Variants in TTC7A observed in about 807,000 individuals in gnomAD.
The protein encoded by TTC7A is tetratricopeptide repeat domain 7A.
Under a neutral mutation model 103.7 loss-of-function variants are expected in TTC7A, and 110 were observed. That is an observed-to-expected ratio of 1.06 (90% CI 0.91 to 1.24). The LOEUF (loss-of-function observed/expected upper bound fraction) is 1.24. Among genes scored for constraint, TTC7A ranks in the 50% most tolerant of loss-of-function variants. TTC7A has a pLI of 0.00. For missense variants in TTC7A, 1,340 were observed against 1,116.3 expected, an observed-to-expected ratio of 1.20 and a Z score of -2.86; for synonymous variants, 521 against 467.9, an observed-to-expected ratio of 1.11 and a Z score of -1.47.
intron 19 of TTC7A, chr2:47,071,274 C>T (rs1329633837): frequency 1.3e-5 from 2 of 152,072 alleles, no homozygotes; most frequent in Admixed American, 1.3e-4. Context: ...CCTCTGGGCC[C>T]CAGCCTGACC....
intron 2 of TTC7A, among the ~76,000 whole-genome samples, chr2:46,920,086 TC>T (rs1199447499): frequency 6.6e-6 from 1 of 152,220 alleles, no homozygotes; most frequent in Non-Finnish European, 1.5e-5. Flanking sequence ...CCTTGTTTCT[TC>T]CGTCCCTGAC....
intron 16 of TTC7A, among the ~76,000 whole-genome samples, chr2:47,048,545 C>G (rs1250866562): frequency 6.6e-6 from 1 of 152,130 alleles, no homozygotes; most frequent in Non-Finnish European, 1.5e-5. Flanking sequence ...CCAAGGGTCA[C>G]AAAGCTGAGA....
At chr2:47,071,687 T>C (rs1684734729) in intron 19 of TTC7A, among the ~76,000 whole-genome samples, 1 of 152,082 alleles carries the variant, frequency 6.6e-6, no homozygotes, top group Admixed American at 6.6e-5. Flanking sequence ...CTGAGCTTTT[T>C]CCTCCCTACA....
At chr2:47,060,021 G>A (rs747024695) in intron 18 of TTC7A, among the ~76,000 whole-genome samples, 1 of 152,080 alleles carries the variant, frequency 6.6e-6, no homozygotes, top group African/African-American at 2.4e-5. Flanking sequence ...AGCTGGGCAT[G>A]TTGGCACATG....
chr2:46,973,809 C>G (rs959325464), intron 3 of TTC7A, among the ~76,000 whole-genome samples: 3 of 152,200 alleles, frequency 2.0e-5, no homozygotes, highest in Non-Finnish European at 4.4e-5. Context: ...AACTTGCTCA[C>G]CCAGTTTCAA....
chr2:47,073,577 C>T, intron 19 of TTC7A, 125 bp from the exon 20 acceptor site: 1 of 802,346 alleles, frequency 1.2e-6, no homozygotes, highest in Middle Eastern at 3.1e-4. Context: ...GTGCCCAAGC[C>T]AGAGACGCGG....
chr2:46,921,702 A>G (rs1315604052), intron 2 of TTC7A, among the ~76,000 whole-genome samples: 2 of 152,212 alleles, frequency 1.3e-5, no homozygotes, highest in Non-Finnish European at 2.9e-5. Flanking sequence ...CAATTTTTCC[A>G]TGGAAGTGGT....
At chr2:47,001,604 C>A (rs1676812279) in intron 8 of TTC7A, among the ~76,000 whole-genome samples, 1 of 152,128 alleles carries the variant, frequency 6.6e-6, no homozygotes, top group Admixed American at 6.5e-5. Context: ...CGCCTGTAAT[C>A]CCAGCACTTT....
At chr2:47,040,480 G>C (rs1200966052) in intron 15 of TTC7A, 1 of 152,250 alleles carries the variant, frequency 6.6e-6, no homozygotes, top group Non-Finnish European at 1.5e-5. Flanking sequence ...GCTTGCAAGA[G>C]GGGTCACAGC....
chr2:46,999,419 A>G (rs1174581421), intron 8 of TTC7A: 14 of 915,564 alleles, frequency 1.5e-5, no homozygotes, highest in Middle Eastern at 5.5e-4. Context: ...CCAACCCTGC[A>G]TCTACCTACC....
intron 15 of TTC7A, among the ~76,000 whole-genome samples, chr2:47,040,204 C>T (rs376679463): frequency 6.6e-6 from 1 of 152,206 alleles, no homozygotes; most frequent in South Asian, 2.1e-4. Flanking sequence ...CCGCCCAGAC[C>T]AGGGCCTGTG....
Position 47,051,726 on chromosome 2 carries a change from C to T in TTC7A, c.2018-20C>T, listed in dbSNP as rs1440695497. ...GTGGACCTCTGACCACTGCTCGGCT[C>T]GTGCCCTCTTGCTCTGCAGGCTCCC... is the stretch of plus-strand genomic sequence containing the variant. On this transcript the variant is annotated intron_variant, in intron 17 of 19. Coordinates refer to ENST00000319190, the MANE Select transcript of TTC7A (RefSeq NM_020458.4). The T allele has an allele frequency of 1.1e-5, 18 of 1,603,374 alleles. No individual in the cohort carries two copies. Among genetic ancestry groups the T allele is most frequent in the African/African-American group, 2.7e-5 (2 of 74,938 alleles).
At chr2:47,023,961 C>T (rs1026371822) in intron 13 of TTC7A, among the ~76,000 whole-genome samples, 1 of 148,628 alleles carries the variant, frequency 6.7e-6, no homozygotes, top group Middle Eastern at 3.5e-3. Context: ...CCTGACTTGT[C>T]ACTCCCTCTC....
At chr2:46,924,847 C>G (rs72886667) in intron 2 of TTC7A, among the ~76,000 whole-genome samples, 4,187 of 152,282 alleles carry the variant, frequency 0.027, 112 homozygotes, top group African/African-American at 0.067. Context: ...AGGCTGGACT[C>G]GAGCTCTGGG....
At chr2:46,923,556 C>G (rs1350480469) in intron 2 of TTC7A, among the ~76,000 whole-genome samples, 1 of 151,968 alleles carries the variant, frequency 6.6e-6, no homozygotes. Context: ...TCTCTTTACT[C>G]TTTTTAACAC....
intron 17 of TTC7A, 70 bp from the exon 18 acceptor site, chr2:47,051,676 T>A (rs1233445544): frequency 6.6e-7 from 1 of 1,522,638 alleles, no homozygotes; most frequent in Non-Finnish European, 8.9e-7. Flanking sequence ...TGCTGGGCAA[T>A]GACTGCTCCT....
intron 10 of TTC7A, among the ~76,000 whole-genome samples, chr2:47,009,508 A>G (rs1677787201): frequency 6.6e-6 from 1 of 152,048 alleles, no homozygotes; most frequent in South Asian, 2.1e-4. Flanking sequence ...GAAATCTATC[A>G]CGTCTGGGTT....
chr2:47,013,061 G>A (rs1420332473), intron 11 of TTC7A, among the ~76,000 whole-genome samples: 1 of 152,184 alleles, frequency 6.6e-6, no homozygotes, highest in Admixed American at 6.5e-5. Context: ...CTGTGCCTCA[G>A]TTTTCTCATC....
chr2:47,047,709 T>A (rs1682467550), intron 16 of TTC7A, among the ~76,000 whole-genome samples: 1 of 152,194 alleles, frequency 6.6e-6, no homozygotes, highest in South Asian at 2.1e-4. Flanking sequence ...GTGGGACCCC[T>A]CTGAGCTGCA....
Sources: gnomAD v4.1 joint callset for allele counts (sites outside exome capture counted in the v4.1 genomes callset) on GRCh38, gnomAD v4.1.1 for gene constraint, MANE v1.5 for transcripts, NCBI Gene and HGNC (gene_info 2026-07-23, HGNC 2026-07-21) for gene names.